MUC17: variants seen among roughly 807,000 people sequenced by gnomAD.
The protein encoded by MUC17 is mucin-17.
Under a neutral mutation model 170.3 loss-of-function variants are expected in MUC17, and 190 were observed. The ratio of observed to expected loss-of-function variants is 1.12; its 90% CI spans 0.99 to 1.26. The LOEUF (loss-of-function observed/expected upper bound fraction) is 1.26, where lower values mean the gene tolerates loss of function less well. Among genes scored for constraint, MUC17 ranks in the 50% most tolerant of loss-of-function variants. The pLI is 0.00. For synonymous variants in MUC17, 2,325 were observed against 2,002.5 expected (o/e 1.16, Z -4.30); for missense variants, 6,415 against 5,530.0 (o/e 1.16, Z -5.08).
chr7:101,034,365 T>C lies in MUC17; in HGVS notation c.2949T>C (p.Thr983=). The change falls in exon 3 of 13, where the codon ACT becomes ACC. Residue 983 remains threonine, a synonymous_variant. Transcript: ENST00000306151. ...CCTCGACTCCTAGTGAAGGAACGAC[T>C]CCATTAACAAGCACACCTGTCAGCC... is the stretch of plus-strand genomic sequence containing the variant. ...IPTSTPSEGT[T]PLTSTPVSHT... is the part of the protein sequence containing the mutation. The C allele has an allele frequency of 6.2e-7, 1 of 1,608,664 alleles. No homozygotes were observed. Among genetic ancestry groups the C allele is most frequent in the Non-Finnish European group, 8.5e-7 (1 of 1,177,652 alleles).
At position 101,058,006 on chromosome 7, in the gene MUC17, C is replaced by T. The variant is rs148704443; in HGVS notation, c.13444C>T (p.Arg4482Ter). 137 of 1,613,704 alleles carry T rather than the reference C, an allele frequency of 8.5e-5. No homozygotes were observed. In the Middle Eastern group the frequency reaches 2.3e-3, roughly 27 times the overall value. ...LRHIDPETKI[R>*]IQRPQVMTTS... ...TTGGTTTTATCTCTCTTTTCAGATC[C>T]GAATTCAGAGGCCTCAGGTAATGAC... is the stretch of plus-strand genomic sequence containing the variant. Residue 4482 changes from arginine to a stop codon, truncating the protein, a stop_gained, in exon 13 of 13, where the codon CGA (arginine) becomes TGA (stop). Transcript: ENST00000306151. LOFTEE classifies it high-confidence loss of function.
rs543338104 is a variant in MUC17, at chr7:101,036,238, A to G, written c.4822A>G (p.Thr1608Ala). The change falls in exon 3 of 13, where the codon ACT becomes GCT. Residue 1608 changes from threonine (T) to alanine (A), a missense_variant. By Grantham distance (58) the Thr-to-Ala change is moderately conservative (BLOSUM62 0). Transcript: ENST00000306151. ...CTCCAAAACTCAGGTGACCGCTTCT[A>G]CTGAAGCCAGTTCATCTACAACCGC... ...IDSKTQVTASTEASSSTTAEG... is the reference protein window; with the variant it reads ...IDSKTQVTASAEASSSTTAEG... 1.3e-5 allele frequency: 21 copies of G among 1,613,950 alleles called. No individual in the cohort carries two copies. Among genetic ancestry groups the G allele is most frequent in the Non-Finnish European group, 1.8e-5 (21 of 1,179,974 alleles).
At chr7:101,029,117 G>A (rs1794232169) in intron 1 of MUC17, among the ~76,000 whole-genome samples, 1 of 151,366 alleles carries the variant, frequency 6.6e-6, no homozygotes, top group Non-Finnish European at 1.5e-5. Context: ...GAACCCAGAA[G>A]GCAGAGGTTG....
chr7:101,051,822 C>A lies in MUC17; in HGVS notation c.12963C>A (p.Ala4321=), dbSNP rs1244029014. 1 of 1,613,796 alleles carries A rather than the reference C, an allele frequency of 6.2e-7. No homozygotes were observed. Among genetic ancestry groups the A allele is most frequent in the Non-Finnish European group, 8.5e-7 (1 of 1,179,842 alleles). Residue 4321 remains alanine (A), a synonymous_variant, in exon 9 of 13, where the codon GCC becomes GCA. Transcript: ENST00000306151. ...CACCAGAGGACTGCCGGAAGATGGC[C>A]AAGGAATATGGAGACTACTTCGTAG... The part of the protein sequence containing the change: ...YDPEEDCRKM[A]KEYGDYFVVE...
rs780763280 is a variant in MUC17 at position 101,041,787 on chromosome 7, C to T, written c.10371C>T (p.Ser3457=). The change falls in exon 3 of 13, where the codon AGC becomes AGT. Residue 3457 remains serine, a synonymous_variant. Transcript: ENST00000306151. ...CAACCTCAACTACTAGTGAAGGAAGCACTCCATTATCAATTATGCCTCTCA... is the reference window on the plus strand; with the variant it reads ...CAACCTCAACTACTAGTGAAGGAAGTACTCCATTATCAATTATGCCTCTCA... ...SLPTSTTSEG[S]TPLSIMPLST... 3.3e-5 allele frequency: 53 copies of T among 1,613,828 alleles called. No homozygotes were observed. Among genetic ancestry groups the T allele is most frequent in the Non-Finnish European group, 4.2e-5 (50 of 1,179,994 alleles).
In MUC17 at chr7:101,031,796, C is replaced by T. The variant is rs745658408; in HGVS notation, c.380C>T (p.Thr127Ile). ...TTSESTSDST[T>I]LFPSSTEDTS... ...TCAGAATCTACCAGTGACAGCACCA[C>T]ACTTTTCCCCAGTTCTACTGAAGAC... The change falls in exon 3 of 13, where the codon ACA becomes ATA. Residue 127 changes from threonine to isoleucine, a missense_variant. Coordinates refer to ENST00000306151, the MANE Select transcript of MUC17 (RefSeq NM_001040105.2). 2 of 1,609,274 alleles carry T rather than the reference C, an allele frequency of 1.2e-6. No homozygotes were observed. The highest frequency in any genetic ancestry group is 8.5e-7 in the Non-Finnish European group (1 of 1,175,624).
intron 1 of MUC17, 75 bp downstream of exon 1, chr7:101,020,292 G>A (rs1377871454): frequency 1.4e-5 from 18 of 1,321,840 alleles, no homozygotes; most frequent in Non-Finnish European, 1.7e-5. Context: ...GCCCATCCCC[G>A]AGGGAGAGCT....
At chr7:101,051,364 C>CAAAAAAA (rs398005597) in intron 7 of MUC17, among the ~76,000 whole-genome samples, 4 of 52,120 alleles carry the variant, frequency 7.7e-5, no homozygotes, top group Non-Finnish European at 9.8e-5. Flanking sequence ...TACTCCATCT[C>CAAAAAAA]AAAAAAAAAA....
chr7:101,041,899 A>T lies in MUC17; in HGVS notation c.10483A>T (p.Thr3495Ser), dbSNP rs746952337. 6.7e-5 allele frequency: 108 copies of T among 1,604,254 alleles called. No homozygotes were observed. Among genetic ancestry groups the T allele is most frequent in the Non-Finnish European group, 9.0e-5 (106 of 1,176,386 alleles). Residue 3495 changes from threonine (T) to serine (S), a missense_variant, in exon 3 of 13, where the codon ACC becomes TCC. Transcript: ENST00000306151. ...TSTPVTTSSP[T>S]NSSPTTAEVT... ...CACACCTGTGACCACTTCTTCTCCA[A>T]CCAATTCATCTCCTACAACTGCTGA...
At position 101,042,984 on chromosome 7, in the gene MUC17, C is replaced by T. The variant is rs1190447809; in HGVS notation, c.11568C>T (p.Ser3856=). ...LLTSTKAGSF[S]IPAEVTTIRI... ...CCTCTACCAAAGCCGGTTCATTCTC[C>T]ATACCTGCTGAAGTCACTACCATAC... Residue 3856 remains serine, a synonymous_variant, in exon 3 of 13, where the codon TCC becomes TCT. Transcript: ENST00000306151. The T allele has an allele frequency of 2.5e-6, 4 of 1,614,018 alleles. No homozygotes were observed. In the Admixed American group the frequency reaches 5.0e-5, roughly 20 times the overall value.
intron 10 of MUC17, 55 bp from the exon 11 acceptor site, chr7:101,053,284 T>C: frequency 6.3e-7 from 1 of 1,589,498 alleles, no homozygotes; most frequent in African/African-American, 1.3e-5. Flanking sequence ...TTGTCCCTGG[T>C]CCTTATTCCT....
chr7:101,041,317 C>T lies in MUC17; in HGVS notation c.9901C>T (p.Leu3301Phe), dbSNP rs377548707. ...GGTGGCCAGTTCTGAAACGAGCACC[C>T]TTTCAACAACTCCTGCTGACACCAG... ...TTVASSETSTLSTTPADTSTP... is the reference protein window; with the variant it reads ...TTVASSETSTFSTTPADTSTP... Residue 3301 changes from leucine (L) to phenylalanine (F), a missense_variant, in exon 3 of 13, where the codon CTT (leucine) becomes TTT (phenylalanine). Coordinates refer to ENST00000306151, the MANE Select transcript of MUC17 (RefSeq NM_001040105.2). 1 of 1,611,196 alleles carries T rather than the reference C, an allele frequency of 6.2e-7. No individual in the cohort carries two copies. Among genetic ancestry groups the T allele is most frequent in the East Asian group, 2.2e-5 (1 of 44,802 alleles).
In MUC17 at chr7:101,038,964, A is replaced by G; in HGVS notation, c.7548A>G (p.Leu2516=). The G allele has an allele frequency of 6.2e-7, 1 of 1,613,224 alleles. No homozygotes were observed. The highest frequency in any genetic ancestry group is 1.1e-5 in the South Asian group (1 of 90,984). ...PISTASEGST[L]LTSIPVSTTP... ...CAACTGCTAGTGAAGGAAGTACTCT[A>G]TTAACAAGTATACCTGTCAGCACCA... Residue 2516 remains leucine, a synonymous_variant, in exon 3 of 13, where the codon CTA becomes CTG. Coordinates refer to ENST00000306151, the MANE Select transcript of MUC17 (RefSeq NM_001040105.2).
Position 101,032,373 on chromosome 7 carries a change from T to G in MUC17, c.957T>G (p.Ala319=). Residue 319 remains alanine (A), a synonymous_variant, in exon 3 of 13, where the codon GCT becomes GCG. Transcript: ENST00000306151. ...AAGCCAGTTCATCTCCTACAACGGC[T>G]GAAGGCACCAGCATACCAACCTCAA... is the stretch of plus-strand genomic sequence containing the variant. ...STEASSSPTT[A]EGTSIPTSTY... The G allele has an allele frequency of 6.2e-7, 1 of 1,613,546 alleles. No homozygotes were observed. The highest frequency in any genetic ancestry group is 8.5e-7 in the Non-Finnish European group (1 of 1,179,906).
chr7:101,029,456 T>C (rs1489161304), intron 1 of MUC17, among the ~76,000 whole-genome samples: 2 of 152,306 alleles, frequency 1.3e-5, no homozygotes, highest in East Asian at 3.9e-4. Flanking sequence ...TCTGGGTAGG[T>C]TTCCATAGGT....
chr7:101,033,419 C>T lies in MUC17; in HGVS notation c.2003C>T (p.Ser668Leu). 6.2e-7 allele frequency: 1 copy of T among 1,613,444 alleles called. No homozygotes were observed. The highest frequency in any genetic ancestry group is 8.5e-7 in the Non-Finnish European group (1 of 1,179,702). The part of the protein sequence containing the change: ...TPVTTSTEAT[S>L]SSTTAEGTSM... ...GTGACCACTTCAACTGAAGCCACTT[C>T]ATCTTCTACAACTGCGGAAGGTACC... Residue 668 changes from serine (S) to leucine (L), a missense_variant, in exon 3 of 13, where the codon TCA becomes TTA. Transcript: ENST00000306151.
chr7:101,022,588 G>A (rs1794111541), intron 1 of MUC17, among the ~76,000 whole-genome samples: 1 of 152,194 alleles, frequency 6.6e-6, no homozygotes, highest in Admixed American at 6.5e-5. Context: ...ATATTGGGAG[G>A]CCAAGTTGGA....
At chr7:101,049,032 G>A (rs982301157) in intron 5 of MUC17, 60 bp downstream of exon 5, 22 of 1,610,292 alleles carry the variant, frequency 1.4e-5, no homozygotes, top group Non-Finnish European at 1.8e-5. Flanking sequence ...AGAGTCTGTA[G>A]GGTAAGAAGG....
In MUC17 at chr7:101,042,876, C is replaced by G; in HGVS notation, c.11460C>G (p.Leu3820=). 2 of 1,614,118 alleles carry G rather than the reference C, an allele frequency of 1.2e-6. No individual in the cohort carries two copies. The highest frequency in any genetic ancestry group is 1.7e-6 in the Non-Finnish European group (2 of 1,180,020). ...GAAGCACTTTATTGACAACTGTCCT[C>G]ATCAGCCCTATATCTGTGATGAGTC... ...SERSTLLTTV[L]ISPISVMSPS... is the part of the protein sequence containing the mutation. Residue 3820 remains leucine (L), a synonymous_variant, in exon 3 of 13, where the codon CTC becomes CTG. Coordinates refer to ENST00000306151, the MANE Select transcript of MUC17 (RefSeq NM_001040105.2).
Sources: allele counts gnomAD v4.1 joint callset (sites outside exome capture counted in the v4.1 genomes callset), GRCh38; gene constraint gnomAD v4.1.1; transcripts MANE v1.5; gene names NCBI Gene and HGNC (gene_info 2026-07-23, HGNC 2026-07-21).